The following GAB2 variants were observed in gnomAD, a reference collection of about 807,000 sequenced individuals.
The protein encoded by GAB2 is GRB2-associated-binding protein 2.
In GAB2, 26 loss-of-function variants were observed where a neutral mutation model predicts 65.5. The observed-to-expected ratio is 0.40, with a 90% confidence interval of 0.29 to 0.55. GAB2 has a LOEUF of 0.55. Among genes scored for constraint, GAB2 ranks in the 20% least tolerant of loss-of-function variants. GAB2 has a pLI of 0.53. For missense variants in GAB2, 884 were observed against 875.8 expected (o/e 1.01, Z -0.12); for synonymous variants, 321 against 329.6 (o/e 0.97, Z 0.28).
At chr11:78,245,310 T>C (rs1294094604) in intron 3 of GAB2, among the ~76,000 whole-genome samples, 1 of 148,264 alleles carries the variant, frequency 6.7e-6, no homozygotes, top group Non-Finnish European at 1.5e-5. Flanking sequence ...ATGTATTTAC[T>C]ACAATTTTTG....
At chr11:78,251,772 G>A (rs1018617290) in intron 2 of GAB2, among the ~76,000 whole-genome samples, 4 of 152,256 alleles carry the variant, frequency 2.6e-5, no homozygotes, top group African/African-American at 9.6e-5. Flanking sequence ...GCAGCACTTG[G>A]CCCATGCTCC....
At chr11:78,227,337 A>C (rs1864701291) in intron 3 of GAB2, among the ~76,000 whole-genome samples, 1 of 152,202 alleles carries the variant, frequency 6.6e-6, no homozygotes, top group African/African-American at 2.4e-5. Context: ...CACTGTTTTA[A>C]GTACCGCAGA....
chr11:78,278,325 C>T (rs925013025), intron 2 of GAB2, among the ~76,000 whole-genome samples: 2 of 151,970 alleles, frequency 1.3e-5, no homozygotes, highest in African/African-American at 4.8e-5. Flanking sequence ...CTGCCTCGAC[C>T]TCCCAAAGTG....
At position 78,223,667 on chromosome 11, in the gene GAB2, T is replaced by C; in HGVS notation, c.1312A>G (p.Met438Val). ...DGVGSFLPGK[M>V]IVGRSDSTNS... ...GTGCTGTCCGATCGGCCCACAATCA[T>C]TTTCCCTGGCTAGGGAGAGGAACAG... Residue 438 changes from methionine (M) to valine (V), a missense_variant, in exon 6 of 10, where the codon ATG becomes GTG. Coordinates refer to ENST00000361507, the MANE Select transcript of GAB2 (RefSeq NM_080491.3). 1 of 1,597,130 alleles carries C rather than the reference T, an allele frequency of 6.3e-7. No homozygotes were observed. Among genetic ancestry groups the C allele is most frequent in the Non-Finnish European group, 8.5e-7 (1 of 1,170,882 alleles).
intron 1 of GAB2, among the ~76,000 whole-genome samples, chr11:78,322,389 A>C (rs538514713): frequency 6.6e-6 from 1 of 151,184 alleles, no homozygotes; most frequent in African/African-American, 2.4e-5. Flanking sequence ...TCTAGACATC[A>C]GCCTTGGCAA....
At chr11:78,285,648 G>C (rs754034764) in intron 1 of GAB2, among the ~76,000 whole-genome samples, 13 of 152,110 alleles carry the variant, frequency 8.5e-5, no homozygotes, top group Non-Finnish European at 1.5e-4. Context: ...TGTATTTTTA[G>C]TAGAGACGGG....
chr11:78,308,159 G>T (rs1422179145), intron 1 of GAB2, among the ~76,000 whole-genome samples: 3 of 152,050 alleles, frequency 2.0e-5, no homozygotes, highest in African/African-American at 7.2e-5. Context: ...GTTAAAACAG[G>T]GAGAGAGAGT....
intron 3 of GAB2, among the ~76,000 whole-genome samples, chr11:78,249,334 CTTAA>C (rs1341160137): frequency 6.6e-6 from 1 of 152,174 alleles, no homozygotes; most frequent in African/African-American, 2.4e-5. Context: ...TTCTATTTGC[CTTAA>C]TTGTCATAAC....
chr11:78,352,667 C>T (rs1167532901), intron 1 of GAB2, among the ~76,000 whole-genome samples: 3 of 152,126 alleles, frequency 2.0e-5, no homozygotes, highest in Non-Finnish European at 4.4e-5. Context: ...TATACAAATC[C>T]CATTCCTCAT....
chr11:78,380,769 T>C (rs1393832505), intron 1 of GAB2, among the ~76,000 whole-genome samples: 2 of 145,652 alleles, frequency 1.4e-5, no homozygotes, highest in Non-Finnish European at 3.0e-5. Flanking sequence ...TCTGCCCCCA[T>C]TCCCCACCCC....
chr11:78,247,443 T>C (rs1418327475), intron 3 of GAB2, among the ~76,000 whole-genome samples: 1 of 152,214 alleles, frequency 6.6e-6, no homozygotes, highest in Non-Finnish European at 1.5e-5. Flanking sequence ...AACATAATTA[T>C]TTTAAAGTCT....
chr11:78,290,843 G>A (rs1214470073), intron 1 of GAB2, among the ~76,000 whole-genome samples: 1 of 152,130 alleles, frequency 6.6e-6, no homozygotes, highest in Non-Finnish European at 1.5e-5. Flanking sequence ...TAAATGAGTG[G>A]TCCAAAGCAG....
At chr11:78,407,004 G>C (rs146552180) in intron 1 of GAB2, among the ~76,000 whole-genome samples, 445 of 152,214 alleles carry the variant, frequency 2.9e-3, no homozygotes, top group African/African-American at 0.01. Flanking sequence ...CAGAGAAATA[G>C]AATCAGTGAA....
At chr11:78,303,069 C>A (rs1286427847) in intron 1 of GAB2, among the ~76,000 whole-genome samples, 1 of 152,136 alleles carries the variant, frequency 6.6e-6, no homozygotes, top group African/African-American at 2.4e-5. Context: ...GGGTGATGGA[C>A]AGAAGACCAC....
chr11:78,250,644 A>C (rs1865428235), intron 2 of GAB2, among the ~76,000 whole-genome samples: 1 of 152,084 alleles, frequency 6.6e-6, no homozygotes, highest in Admixed American at 6.6e-5. Context: ...AATGTAGGCC[A>C]TATCTGCCCC....
At chr11:78,321,756 T>C (rs185956278) in intron 1 of GAB2, among the ~76,000 whole-genome samples, 2 of 152,204 alleles carry the variant, frequency 1.3e-5, no homozygotes, top group African/African-American at 4.8e-5. Flanking sequence ...TAAAAGGCTA[T>C]TGTAACCAAC....
At position 78,404,602 on chromosome 11, in the gene GAB2, C is replaced by T. The variant is rs562732861; in HGVS notation, c.75+13044G>A. Among the ~76,000 whole-genome samples the T allele has an allele frequency of 2.6e-5, 4 of 152,334 alleles. No individual in the cohort carries two copies. The East Asian group carries it at 5.8e-4, about 22-fold the overall frequency. ...ATACAAATAATGAAATCCTGCCATT[C>T]GTGGCAACACGGTTGGTACTGGAGG... On this transcript the variant is annotated intron_variant, in intron 1 of 9. Transcript: ENST00000361507.
intron 1 of GAB2, among the ~76,000 whole-genome samples, chr11:78,405,272 G>C (rs1196675964): frequency 6.6e-6 from 1 of 151,950 alleles, no homozygotes. Flanking sequence ...CTAATTTTTT[G>C]TATTTTTAGT....
chr11:78,235,325 TG>T (rs917879682), intron 3 of GAB2, among the ~76,000 whole-genome samples: 4 of 151,866 alleles, frequency 2.6e-5, no homozygotes, highest in African/African-American at 9.7e-5. Context: ...GCTAATTTTT[TG>T]TATTTTGAGT....
Sources: gnomAD v4.1 joint callset for allele counts (sites outside exome capture counted in the v4.1 genomes callset) on GRCh38, gnomAD v4.1.1 for gene constraint, MANE v1.5 for transcripts, NCBI Gene and HGNC (gene_info 2026-07-23, HGNC 2026-07-21) for gene names.